Variants in SULF2 observed in about 807,000 individuals in gnomAD.
SULF2 encodes the protein extracellular sulfatase Sulf-2.
Under a neutral mutation model 107.7 loss-of-function variants are expected in SULF2, and 52 were observed. The ratio of observed to expected loss-of-function variants is 0.48; its 90% CI spans 0.39 to 0.61. SULF2 has a LOEUF of 0.61. SULF2 is among the 20% of genes least tolerant of loss of function. The probability of loss-of-function intolerance (pLI) is 0.00; values close to 1 mark genes in which losing one functional copy is unlikely to be tolerated. For missense variants in SULF2, 993 were observed against 1,177.3 expected, an observed-to-expected ratio of 0.84 and a Z score of 2.29; for synonymous variants, 460 against 464.3, an observed-to-expected ratio of 0.99 and a Z score of 0.12.
intron 18 of SULF2, among the ~76,000 whole-genome samples, chr20:47,660,768 TG>T (rs1463995425): frequency 6.6e-6 from 1 of 152,116 alleles, no homozygotes; most frequent in Non-Finnish European, 1.5e-5. Flanking sequence ...CAACCATGCC[TG>T]TTTAGCTTTT....
At chr20:47,725,573 C>T (rs1440442592) in intron 3 of SULF2, among the ~76,000 whole-genome samples, 1 of 152,234 alleles carries the variant, frequency 6.6e-6, no homozygotes, top group Non-Finnish European at 1.5e-5. Flanking sequence ...TTGAGAACCA[C>T]CAGCTTAGAA....
intron 1 of SULF2, among the ~76,000 whole-genome samples, chr20:47,768,941 C>T (rs2146959759): frequency 6.9e-6 from 1 of 143,944 alleles, no homozygotes; most frequent in Admixed American, 7.2e-5. Flanking sequence ...AGTACAGTGG[C>T]ATGACCTTGG....
At chr20:47,664,434 G>A (rs1210512517) in intron 14 of SULF2, among the ~76,000 whole-genome samples, 1 of 152,240 alleles carries the variant, frequency 6.6e-6, no homozygotes, top group Non-Finnish European at 1.5e-5. Context: ...AGCAGGTTGG[G>A]TTAATTGTAA....
In SULF2 at chr20:47,680,705, A is replaced by C. The variant is rs2087796743; in HGVS notation, c.1065-1901T>G. 1.3e-5 allele frequency among the ~76,000 whole-genome samples: 2 copies of C among 152,170 alleles called. 1 individual carries two copies. Among genetic ancestry groups the C allele is most frequent in the Non-Finnish European group, 2.9e-5 (2 of 68,016 alleles). ...AGGCCAGCGTGAGGCGCTACAACTG[A>C]ATCCAGAGGCGAGGGAGCTGGGAAG... is the stretch of plus-strand genomic sequence containing the variant. On this transcript the variant is annotated intron_variant, in intron 7 of 20. Coordinates refer to ENST00000688720, the MANE Select transcript of SULF2 (RefSeq NM_001387048.1). The surrounding 1 kb of genome is among the most constrained non-coding windows in gnomAD (Gnocchi z 4.2).
intron 3 of SULF2, among the ~76,000 whole-genome samples, chr20:47,708,214 A>G (rs1013824945): frequency 6.6e-6 from 1 of 152,230 alleles, no homozygotes; most frequent in African/African-American, 2.4e-5. Context: ...GATAGGACAG[A>G]GTGGCCCCAC....
intron 7 of SULF2, among the ~76,000 whole-genome samples, chr20:47,682,179 G>A (rs1001143845): frequency 1.2e-4 from 18 of 152,328 alleles, no homozygotes; most frequent in African/African-American, 4.3e-4. Context: ...TGGAATTCTC[G>A]CAAAATGTCC....
intron 20 of SULF2, 97 bp from the exon 21 acceptor site, chr20:47,658,489 G>T: frequency 7.7e-7 from 1 of 1,291,586 alleles, no homozygotes. Context: ...TTGCTTCAAG[G>T]CTGCTGAGAA....
chr20:47,783,678 C>A (rs1042916373), intron 1 of SULF2, among the ~76,000 whole-genome samples: 1 of 152,166 alleles, frequency 6.6e-6, no homozygotes, highest in African/African-American at 2.4e-5. Flanking sequence ...AACCCCAAAC[C>A]CACATTGACC....
intron 15 of SULF2, 44 bp downstream of exon 15, chr20:47,664,086 G>A (rs1413275714): frequency 6.3e-7 from 1 of 1,596,796 alleles, no homozygotes; most frequent in African/African-American, 1.3e-5. Context: ...ACCTCCTCAT[G>A]CAGGCCTCTG....
intron 3 of SULF2, among the ~76,000 whole-genome samples, chr20:47,718,080 G>C (rs900173020): frequency 1.3e-5 from 2 of 152,166 alleles, no homozygotes; most frequent in Non-Finnish European, 2.9e-5. Flanking sequence ...GCCTCCCAAA[G>C]TGCTAGGATT....
chr20:47,742,754 C>T (rs1467158446), intron 2 of SULF2, among the ~76,000 whole-genome samples: 1 of 152,028 alleles, frequency 6.6e-6, no homozygotes. Context: ...ATGCACCATC[C>T]AGTAAGTCCA....
intron 6 of SULF2, 127 bp downstream of exon 6, chr20:47,684,304 G>C: frequency 9.8e-7 from 1 of 1,017,794 alleles, no homozygotes; most frequent in South Asian, 1.7e-5. Context: ...CTAGCACATG[G>C]GGCCTCTTCA....
At chr20:47,762,236 C>T (rs922308733) in intron 1 of SULF2, among the ~76,000 whole-genome samples, 6 of 152,244 alleles carry the variant, frequency 3.9e-5, no homozygotes, top group Non-Finnish European at 8.8e-5. Context: ...CAGCAGCCAG[C>T]GTTCTAAGAT....
chr20:47,711,173 G>T (rs550571981), intron 3 of SULF2, among the ~76,000 whole-genome samples: 2 of 152,206 alleles, frequency 1.3e-5, no homozygotes, highest in African/African-American at 4.8e-5. Context: ...CCGCCATGCC[G>T]GGCCGGCGTA....
chr20:47,664,581 T>TCA (rs2087199602), intron 14 of SULF2, among the ~76,000 whole-genome samples: 1 of 152,184 alleles, frequency 6.6e-6, no homozygotes, highest in Admixed American at 6.5e-5. Context: ...CCCTGCCTAC[T>TCA]CACACTTGGT....
At chr20:47,762,704 G>T (rs2090442722) in intron 1 of SULF2, among the ~76,000 whole-genome samples, 1 of 152,230 alleles carries the variant, frequency 6.6e-6, no homozygotes, top group East Asian at 1.9e-4. Flanking sequence ...CAGGGTACAG[G>T]GGGGCTGGGA....
At chr20:47,721,557 A>T (rs2089298187) in intron 3 of SULF2, among the ~76,000 whole-genome samples, 1 of 152,044 alleles carries the variant, frequency 6.6e-6, no homozygotes, top group Non-Finnish European at 1.5e-5. Flanking sequence ...TTTAGTAGAG[A>T]CGGGGTTTCA....
chr20:47,697,315 G>A (rs539006026), intron 4 of SULF2, among the ~76,000 whole-genome samples: 1 of 152,210 alleles, frequency 6.6e-6, no homozygotes, highest in Non-Finnish European at 1.5e-5. Context: ...GTGCCCATCT[G>A]TGGATTAGTG....
At chr20:47,747,951 C>T (rs1322629986) in intron 2 of SULF2, among the ~76,000 whole-genome samples, 2 of 152,192 alleles carry the variant, frequency 1.3e-5, no homozygotes, top group Non-Finnish European at 2.9e-5. Context: ...CTCCGTACCA[C>T]CAGCATCTCC....
Sources: allele counts gnomAD v4.1 joint callset (sites outside exome capture counted in the v4.1 genomes callset), GRCh38; gene constraint gnomAD v4.1.1; non-coding constraint Gnocchi (gnomAD v3.1); transcripts MANE v1.5; gene names NCBI Gene and HGNC (gene_info 2026-07-23, HGNC 2026-07-21).